The following TAFA1 variants were observed in gnomAD, a reference collection of about 807,000 sequenced individuals.
TAFA1 encodes the protein TAFA chemokine like family member 1.
Under a neutral mutation model 18.5 loss-of-function variants are expected in TAFA1, and 4 were observed. That is an observed-to-expected ratio of 0.22 (90% CI 0.11 to 0.49). The LOEUF is 0.49. TAFA1 is among the 20% of genes least tolerant of loss of function. The pLI is 0.98. For synonymous variants in TAFA1, 56 were observed against 55.2 expected (o/e 1.01, Z -0.06); for missense variants, 147 against 169.0 (o/e 0.87, Z 0.72).
At chr3:68,509,852 A>T (rs2072819463) in intron 3 of TAFA1, among the ~76,000 whole-genome samples, 1 of 152,126 alleles carries the variant, frequency 6.6e-6, no homozygotes, top group Non-Finnish European at 1.5e-5. Context: ...GTTTCCTGAA[A>T]GGGAGAATGA....
chr3:68,296,713 T>C (rs2068214462), intron 2 of TAFA1, among the ~76,000 whole-genome samples: 1 of 152,158 alleles, frequency 6.6e-6, no homozygotes, highest in Non-Finnish European at 1.5e-5. Context: ...TATATTAATA[T>C]ACGTAATAAT....
At chr3:68,059,215 G>T (rs977919988) in intron 2 of TAFA1, among the ~76,000 whole-genome samples, 1 of 152,004 alleles carries the variant, frequency 6.6e-6, no homozygotes, top group Non-Finnish European at 1.5e-5. Context: ...TGCTCGTTGG[G>T]TGCATGGAAA....
chr3:68,047,139 A>G (rs1371486544), intron 2 of TAFA1, among the ~76,000 whole-genome samples: 1 of 152,156 alleles, frequency 6.6e-6, no homozygotes, highest in Non-Finnish European at 1.5e-5. Flanking sequence ...TGCTACACAT[A>G]TTATCTTTAT....
intron 2 of TAFA1, among the ~76,000 whole-genome samples, chr3:68,337,993 T>C (rs2069004509): frequency 6.6e-6 from 1 of 152,226 alleles, no homozygotes; most frequent in South Asian, 2.1e-4. Flanking sequence ...CAAATTAGAT[T>C]AGCTGGTGTT....
At chr3:68,365,198 T>C (rs1199278536) in intron 2 of TAFA1, among the ~76,000 whole-genome samples, 2 of 152,208 alleles carry the variant, frequency 1.3e-5, no homozygotes, top group African/African-American at 4.8e-5. Flanking sequence ...ATTTTGCAGA[T>C]GGGAAAACTG....
intron 2 of TAFA1, among the ~76,000 whole-genome samples, chr3:68,070,534 T>C (rs930304098): frequency 6.6e-6 from 1 of 152,208 alleles, no homozygotes; most frequent in Non-Finnish European, 1.5e-5. Flanking sequence ...CCCATTGTCT[T>C]GGGGATTAAC....
intron 2 of TAFA1, among the ~76,000 whole-genome samples, chr3:68,189,464 C>G (rs1007063771): frequency 4.6e-5 from 7 of 151,808 alleles, no homozygotes; most frequent in Non-Finnish European, 1.5e-5. Context: ...ATTTTAGCTA[C>G]CTTTTGTGCA....
intron 2 of TAFA1, among the ~76,000 whole-genome samples, chr3:68,214,969 A>G (rs183431291): frequency 5.9e-5 from 9 of 152,064 alleles, no homozygotes; most frequent in Admixed American, 5.2e-4. Flanking sequence ...GAGGTTGTAT[A>G]TACTGTTGCT....
At chr3:68,251,939 C>T (rs1559578530) in intron 2 of TAFA1, among the ~76,000 whole-genome samples, 1 of 152,204 alleles carries the variant, frequency 6.6e-6, no homozygotes, top group South Asian at 2.1e-4. Context: ...TGGGAAGCCC[C>T]ATCATCGGGA....
chr3:68,005,312 T>C (rs1704338212), intron 1 of TAFA1, among the ~76,000 whole-genome samples: 1 of 152,234 alleles, frequency 6.6e-6, no homozygotes, highest in Non-Finnish European at 1.5e-5. Flanking sequence ...AGAAAGTGAA[T>C]GCTCCATCTG....
chr3:68,417,795 G>A (rs888746141), intron 3 of TAFA1, among the ~76,000 whole-genome samples: 1 of 152,258 alleles, frequency 6.6e-6, no homozygotes. Flanking sequence ...AGGCTGTACA[G>A]GAAGCATGGC....
intron 3 of TAFA1, among the ~76,000 whole-genome samples, chr3:68,449,896 G>T (rs1340364935): frequency 6.6e-6 from 1 of 152,210 alleles, no homozygotes; most frequent in Non-Finnish European, 1.5e-5. Flanking sequence ...AAACGGAAAA[G>T]ATATTTCCTT....
At chr3:68,176,006 C>G (rs1054863092) in intron 2 of TAFA1, among the ~76,000 whole-genome samples, 1 of 152,150 alleles carries the variant, frequency 6.6e-6, no homozygotes, top group African/African-American at 2.4e-5. Context: ...AGTATCCCTG[C>G]ACAAGCTTTT....
At chr3:68,020,618 GATA>G in intron 2 of TAFA1, among the ~76,000 whole-genome samples, 1 of 152,082 alleles carries the variant, frequency 6.6e-6, no homozygotes, top group Non-Finnish European at 1.5e-5. Context: ...CCTGTATGCT[GATA>G]ATATTTTATT....
chr3:68,330,090 C>A (rs1491746), intron 2 of TAFA1, among the ~76,000 whole-genome samples: 14 of 151,970 alleles, frequency 9.2e-5, no homozygotes, highest in African/African-American at 2.9e-4. Context: ...GTATCAGTAC[C>A]ACTTATATAT....
At chr3:68,106,606 C>A (rs1234738756) in intron 2 of TAFA1, among the ~76,000 whole-genome samples, 2 of 151,914 alleles carry the variant, frequency 1.3e-5, no homozygotes, top group African/African-American at 2.4e-5. Flanking sequence ...TTTATGAATA[C>A]AAAAATCTAT....
intron 3 of TAFA1, among the ~76,000 whole-genome samples, chr3:68,425,841 A>G (rs1363333564): frequency 1.3e-5 from 2 of 151,850 alleles, no homozygotes; most frequent in East Asian, 3.9e-4. Context: ...TCCTGAGGTC[A>G]GCAGAGTATT....
intron 2 of TAFA1, among the ~76,000 whole-genome samples, chr3:68,333,953 C>G (rs1435289881): frequency 1.3e-5 from 2 of 152,134 alleles, no homozygotes; most frequent in African/African-American, 4.8e-5. Context: ...CTAAAGAAGT[C>G]AAACTCATAG....
chr3:68,455,915 C>T (rs929814707), intron 3 of TAFA1, among the ~76,000 whole-genome samples: 8 of 152,132 alleles, frequency 5.3e-5, no homozygotes, highest in Admixed American at 2.6e-4. Flanking sequence ...GAGTGTCACG[C>T]TTAAGGAGCC....
Sources: allele counts gnomAD v4.1 joint callset (sites outside exome capture counted in the v4.1 genomes callset), GRCh38; gene constraint gnomAD v4.1.1; transcripts MANE v1.5; gene names NCBI Gene and HGNC (gene_info 2026-07-23, HGNC 2026-07-21).